Variants in ZBTB20 observed in about 807,000 individuals in gnomAD.
The protein encoded by ZBTB20 is zinc finger and BTB domain-containing protein 20.
A neutral mutation model predicts 56.9 loss-of-function variants in ZBTB20; 9 were observed. The observed-to-expected ratio is 0.16, with a 90% CI of 0.10 to 0.28. The LOEUF (loss-of-function observed/expected upper bound fraction) is 0.28, where lower values mean the gene tolerates loss of function less well. Among genes scored for constraint, ZBTB20 ranks in the 10% least tolerant of loss-of-function variants. ZBTB20 has a pLI of 1.00. For missense variants in ZBTB20, 655 were observed against 1,003.0 expected (o/e 0.65, Z 4.69); for synonymous variants, 417 against 420.7 (o/e 0.99, Z 0.11).
At chr3:115,009,099 T>C (rs1397245713) in intron 2 of ZBTB20, among the ~76,000 whole-genome samples, 1 of 151,974 alleles carries the variant, frequency 6.6e-6, no homozygotes, top group African/African-American at 2.4e-5. Flanking sequence ...GGGTTATTTA[T>C]ATTTCTTGTT....
chr3:114,534,042 C>T (rs2684287), intron 6 of ZBTB20, among the ~76,000 whole-genome samples: 95,211 of 151,986 alleles, frequency 0.63, 30,157 homozygotes, highest in East Asian at 0.8. Context: ...ACACACCAAA[C>T]TGTAAAGACC....
intron 6 of ZBTB20, among the ~76,000 whole-genome samples, chr3:114,671,806 T>C (rs2061375062): frequency 1.3e-5 from 2 of 152,134 alleles, no homozygotes; most frequent in South Asian, 4.1e-4. Flanking sequence ...AAGGAGTACA[T>C]GCATTTGAGA....
At chr3:114,878,575 T>TA (rs10609736) in intron 4 of ZBTB20, among the ~76,000 whole-genome samples, 121 of 137,660 alleles carry the variant, frequency 8.8e-4, no homozygotes, top group African/African-American at 2.5e-3. Flanking sequence ...CTTGGAGAAT[T>TA]AAAAAAAAAA....
chr3:114,989,712 T>C (rs1022562611), intron 2 of ZBTB20, among the ~76,000 whole-genome samples: 6 of 152,222 alleles, frequency 3.9e-5, no homozygotes, highest in African/African-American at 1.4e-4. Flanking sequence ...ATTTTCATGA[T>C]ATTGATTCTT....
intron 7 of ZBTB20, among the ~76,000 whole-genome samples, chr3:114,406,581 T>C (rs1459334055): frequency 6.6e-6 from 1 of 152,138 alleles, no homozygotes; most frequent in Non-Finnish European, 1.5e-5. Flanking sequence ...GATGACAACA[T>C]ACATTATATA....
At chr3:115,096,219 T>A (rs1347203602) in intron 1 of ZBTB20, among the ~76,000 whole-genome samples, 3 of 152,192 alleles carry the variant, frequency 2.0e-5, no homozygotes, top group African/African-American at 7.2e-5. Flanking sequence ...ATTGCTAGTG[T>A]TTATTGTCCT....
At chr3:115,063,047 T>A (rs888436220) in intron 2 of ZBTB20, among the ~76,000 whole-genome samples, 7 of 152,188 alleles carry the variant, frequency 4.6e-5, no homozygotes, top group Admixed American at 3.9e-4. Flanking sequence ...ATATTTAAGG[T>A]CTCAGAATTG....
At chr3:115,139,489 T>C (rs1402629039) in intron 1 of ZBTB20, among the ~76,000 whole-genome samples, 2 of 152,058 alleles carry the variant, frequency 1.3e-5, no homozygotes, top group African/African-American at 4.8e-5. Flanking sequence ...TTTCTTTGCC[T>C]ACCTTATCTT....
chr3:114,582,344 T>G (rs2054724667), intron 6 of ZBTB20: 1 of 152,082 alleles, frequency 6.6e-6, no homozygotes, highest in Non-Finnish European at 1.5e-5. Context: ...GGGTTCTGGA[T>G]TCTTGTATTT....
chr3:114,505,857 C>T (rs534685095), intron 6 of ZBTB20, among the ~76,000 whole-genome samples: 7 of 152,212 alleles, frequency 4.6e-5, no homozygotes, highest in Admixed American at 3.9e-4. Context: ...ACTCTGGATA[C>T]ATGATTTCCT....
chr3:114,821,019 G>A (rs2073211229), intron 4 of ZBTB20, among the ~76,000 whole-genome samples: 1 of 152,120 alleles, frequency 6.6e-6, no homozygotes, highest in African/African-American at 2.4e-5. Context: ...AACCAGCATA[G>A]TGAACAGTGT....
chr3:114,457,494 G>A (rs1026199879), intron 7 of ZBTB20, among the ~76,000 whole-genome samples: 2 of 152,108 alleles, frequency 1.3e-5, no homozygotes, highest in African/African-American at 2.4e-5. Context: ...AGAAAGGATT[G>A]GCAGTAGAGA....
intron 2 of ZBTB20, among the ~76,000 whole-genome samples, chr3:114,985,935 C>T (rs892527998): frequency 3.3e-5 from 5 of 152,002 alleles, no homozygotes; most frequent in African/African-American, 1.2e-4. Context: ...CAGCCATAAG[C>T]AATAAACATA....
rs750818442 is a variant in ZBTB20, at chr3:114,605,137, G to A, written c.-295+88391C>T. ...GTTGAGTACTTAGAAGTTCCTAAAG[G>A]AGAAGCCTATAAAGACAGTGCATTA... is the stretch of plus-strand genomic sequence containing the variant. On this transcript the variant is annotated intron_variant, in intron 6 of 11. Coordinates refer to ENST00000675478, the MANE Select transcript of ZBTB20 (RefSeq NM_001348800.3). Among the ~76,000 whole-genome samples the A allele has an allele frequency of 1.6e-4, 25 of 151,978 alleles. 1 individual carries two copies. Among genetic ancestry groups the A allele is most frequent in the Non-Finnish European group, 3.7e-4 (25 of 67,980 alleles).
chr3:115,097,332 C>T (rs760588911), intron 1 of ZBTB20, among the ~76,000 whole-genome samples: 1 of 152,106 alleles, frequency 6.6e-6, no homozygotes, highest in Non-Finnish European at 1.5e-5. Context: ...GCATGCACCA[C>T]CACGCCCAGG....
At chr3:114,417,829 C>G (rs910008750) in intron 7 of ZBTB20, among the ~76,000 whole-genome samples, 10 of 151,898 alleles carry the variant, frequency 6.6e-5, no homozygotes, top group Non-Finnish European at 1.3e-4. Flanking sequence ...TTTCTTCTAC[C>G]CTCCCCTTCA....
At chr3:115,062,538 T>C (rs1355365123) in intron 2 of ZBTB20, among the ~76,000 whole-genome samples, 1 of 152,160 alleles carries the variant, frequency 6.6e-6, no homozygotes, top group Non-Finnish European at 1.5e-5. Context: ...CTAAACACTT[T>C]TGTTTACAAG....
At chr3:114,787,368 T>TATATATATATATATATACATAC (rs1433434685) in intron 5 of ZBTB20, among the ~76,000 whole-genome samples, 3 of 106,332 alleles carry the variant, frequency 2.8e-5, no homozygotes, top group African/African-American at 9.1e-5. Context: ...TATATATATA[T>TATATATATATATATATACATAC]ACACACACAC....
In ZBTB20 at chr3:114,511,068, G is replaced by GA. The variant is rs1197883205; in HGVS notation, c.-294-10678dup. Among the ~76,000 whole-genome samples, 9 of 140,436 alleles carry GA rather than the reference G, an allele frequency of 6.4e-5. No homozygotes were observed. In the East Asian group the frequency reaches 1.5e-3, roughly 23 times the overall value. The allele number at this position is 140,436 out of a possible 152,430, so 92.1% of individuals were successfully genotyped here. On this transcript the variant is annotated intron_variant, in intron 6 of 11. Coordinates refer to ENST00000675478, the MANE Select transcript of ZBTB20 (RefSeq NM_001348800.3). ...ATCAGCTTGTCAACATGATGAAACT[G>GA]AAAAAAGCTTTTATAGACTCTGTCC...
Sources: allele counts gnomAD v4.1 joint callset (sites outside exome capture counted in the v4.1 genomes callset), GRCh38; gene constraint gnomAD v4.1.1; transcripts MANE v1.5; gene names NCBI Gene and HGNC (gene_info 2026-07-23, HGNC 2026-07-21).